The following KSR1 variants were observed in gnomAD, a reference collection of about 807,000 sequenced individuals.
The protein encoded by KSR1 is kinase suppressor of ras 1, also known as kinase suppressor of ras.
A neutral mutation model predicts 92.9 loss-of-function variants in KSR1; 35 were observed. That is an observed-to-expected ratio of 0.38 (90% CI 0.29 to 0.50). The LOEUF is 0.50. Among genes scored for constraint, KSR1 ranks in the 20% least tolerant of loss-of-function variants. The pLI, the probability that KSR1 is intolerant of heterozygous loss-of-function variation, is 0.94. For synonymous variants in KSR1, 467 were observed against 472.6 expected, an observed-to-expected ratio of 0.99 and a Z score of 0.15; for missense variants, 972 against 1,158.5, an observed-to-expected ratio of 0.84 and a Z score of 2.34.
intron 1 of KSR1, among the ~76,000 whole-genome samples, chr17:27,503,209 C>G (rs1240400832): frequency 1.3e-5 from 2 of 152,140 alleles, no homozygotes; most frequent in African/African-American, 4.8e-5. Flanking sequence ...AGGTTCTCAA[C>G]TAGAGGTAAT....
At chr17:27,586,194 C>T (rs949721746) in intron 5 of KSR1, among the ~76,000 whole-genome samples, 7 of 152,188 alleles carry the variant, frequency 4.6e-5, no homozygotes, top group Non-Finnish European at 8.8e-5. Context: ...GAGAGGACAC[C>T]TGGGCAACCC....
intron 11 of KSR1, 45 bp downstream of exon 11, chr17:27,601,446 C>A (rs770758116): frequency 2.6e-5 from 41 of 1,560,922 alleles, no homozygotes; most frequent in Non-Finnish European, 3.5e-5. Context: ...TGCTGTGACC[C>A]CTTCTGTCCT....
intron 16 of KSR1, 28 bp from the exon 17 acceptor site, chr17:27,610,039 G>A: frequency 6.2e-7 from 1 of 1,612,906 alleles, no homozygotes; most frequent in South Asian, 1.1e-5. Flanking sequence ...AAAGGCCTGT[G>A]TCCTTGTCCC....
intron 1 of KSR1, among the ~76,000 whole-genome samples, chr17:27,517,509 C>T (rs1427882530): frequency 1.3e-5 from 2 of 152,138 alleles, no homozygotes; most frequent in Non-Finnish European, 2.9e-5. Flanking sequence ...AGGCTGGTCT[C>T]GAACTCCTGA....
intron 2 of KSR1, among the ~76,000 whole-genome samples, chr17:27,574,931 A>G (rs1249168086): frequency 6.6e-6 from 1 of 152,220 alleles, no homozygotes; most frequent in Non-Finnish European, 1.5e-5. Context: ...TCTAGTGCGC[A>G]TCTTACTGCA....
At chr17:27,560,696 G>T (rs557653986) in intron 2 of KSR1, among the ~76,000 whole-genome samples, 5 of 152,196 alleles carry the variant, frequency 3.3e-5, no homozygotes, top group African/African-American at 1.2e-4. Flanking sequence ...AAGCGAACCC[G>T]CATTTGGCTC....
chr17:27,551,306 A>G (rs775051773), intron 2 of KSR1, among the ~76,000 whole-genome samples: 1 of 152,266 alleles, frequency 6.6e-6, no homozygotes, highest in East Asian at 1.9e-4. Flanking sequence ...GCATACTCGG[A>G]GTGTGTACTG....
intron 19 of KSR1, among the ~76,000 whole-genome samples, chr17:27,619,137 C>G (rs944969991): frequency 3.9e-5 from 6 of 152,116 alleles, no homozygotes; most frequent in Non-Finnish European, 7.4e-5. Context: ...AAGAAAGCCC[C>G]TGAGGCCCCC....
At chr17:27,575,790 T>G (rs1342266737) in intron 2 of KSR1, among the ~76,000 whole-genome samples, 1 of 152,204 alleles carries the variant, frequency 6.6e-6, no homozygotes, top group African/African-American at 2.4e-5. Flanking sequence ...CCATTCATTC[T>G]TTGTATTTTC....
At chr17:27,612,045 A>G (rs1394865492) in intron 18 of KSR1, among the ~76,000 whole-genome samples, 1 of 152,234 alleles carries the variant, frequency 6.6e-6, no homozygotes, top group Non-Finnish European at 1.5e-5. Flanking sequence ...TTTCTTGACT[A>G]TTAAGAACAA....
intron 1 of KSR1, among the ~76,000 whole-genome samples, chr17:27,519,522 C>T (rs538259081): frequency 2.3e-4 from 35 of 152,278 alleles, no homozygotes; most frequent in Admixed American, 5.9e-4. Flanking sequence ...GGCCATGGTG[C>T]GTTTGATGCC....
At chr17:27,554,041 T>C (rs571852817) in intron 2 of KSR1, among the ~76,000 whole-genome samples, 1 of 152,208 alleles carries the variant, frequency 6.6e-6, no homozygotes, top group Non-Finnish European at 1.5e-5. Flanking sequence ...CTGGCCCTGA[T>C]GGATTCTGTG....
chr17:27,499,011 G>A (rs1379955594), intron 1 of KSR1, among the ~76,000 whole-genome samples: 1 of 152,210 alleles, frequency 6.6e-6, no homozygotes, highest in Non-Finnish European at 1.5e-5. Flanking sequence ...AAGTAAGCCA[G>A]GGTGAGTGGG....
chr17:27,526,617 A>G, intron 1 of KSR1: 1 of 1,571,946 alleles, frequency 6.4e-7, no homozygotes, highest in Admixed American at 1.7e-5. Context: ...GATCATGTTC[A>G]GTCCTCGTGC....
intron 12 of KSR1, among the ~76,000 whole-genome samples, chr17:27,604,246 G>A (rs920031502): frequency 3.3e-5 from 5 of 152,278 alleles, no homozygotes; most frequent in Admixed American, 6.5e-5. Context: ...CCCTCAGCGC[G>A]GTGGTAGGTA....
intron 5 of KSR1, 34 bp downstream of exon 5, chr17:27,585,695 C>G: frequency 2.6e-6 from 2 of 754,840 alleles, no homozygotes; most frequent in South Asian, 2.8e-5. Flanking sequence ...CCTCTACCAC[C>G]TGGGAGTCGT....
At chr17:27,597,567 C>T (rs111999043) in intron 10 of KSR1, 131 bp downstream of exon 10, 20 of 986,194 alleles carry the variant, frequency 2.0e-5, no homozygotes, top group South Asian at 1.5e-4. Flanking sequence ...AGTACTTGTC[C>T]GGCGCCCCAA....
At chr17:27,616,901 A>T (rs2074075682) in intron 18 of KSR1, among the ~76,000 whole-genome samples, 1 of 152,076 alleles carries the variant, frequency 6.6e-6, no homozygotes, top group African/African-American at 2.4e-5. Flanking sequence ...TCCCTCGTCC[A>T]CTGCAGCCCC....
intron 2 of KSR1, among the ~76,000 whole-genome samples, chr17:27,553,040 A>C (rs986107823): frequency 2.0e-5 from 3 of 152,162 alleles, no homozygotes; most frequent in African/African-American, 7.2e-5. Context: ...TCCACACCTG[A>C]CTGTGAGTCC....
Sources: allele counts gnomAD v4.1 joint callset (sites outside exome capture counted in the v4.1 genomes callset), GRCh38; gene constraint gnomAD v4.1.1; transcripts MANE v1.5; gene names NCBI Gene and HGNC (gene_info 2026-07-23, HGNC 2026-07-21).